Variants in CEP41 observed in about 807,000 individuals in gnomAD.
CEP41 encodes the protein centrosomal protein 41.
CEP41 carries 32 observed loss-of-function variants against 44.3 expected under a neutral mutation model. The observed-to-expected ratio is 0.72, with a 90% CI of 0.54 to 0.97. CEP41 has a LOEUF of 0.97. Among genes scored for constraint, CEP41 ranks in the 50% least tolerant of loss-of-function variants. CEP41 has a pLI of 0.00. For synonymous variants in CEP41, 151 were observed against 168.5 expected, an observed-to-expected ratio of 0.90 and a Z score of 0.80; for missense variants, 432 against 455.2, an observed-to-expected ratio of 0.95 and a Z score of 0.46.
rs17133175 is a variant in CEP41 at position 130,396,960 on chromosome 7, G to T, written c.*1931C>A. The T allele has an allele frequency of 2.2e-6, 1 of 453,852 alleles. No individual in the cohort carries two copies. Among genetic ancestry groups the T allele is most frequent in the Non-Finnish European group, 4.4e-6 (1 of 226,618 alleles). 28.1% of individuals were successfully genotyped at this position (453,852 alleles called of 1,614,324 possible). ...ACCATTTACTTTCAAAATAGAATCC[G>T]GCAGGGAAGTCTCAACTCCTGACAA... On this transcript the variant is annotated 3_prime_UTR_variant, in exon 11 of 11. Coordinates refer to ENST00000223208, the MANE Select transcript of CEP41 (RefSeq NM_018718.3).
intron 2 of CEP41, chr7:130,419,529 CTTTG>C: frequency 1.0e-6 from 1 of 984,650 alleles, no homozygotes; most frequent in Non-Finnish European, 1.2e-6. Context: ...ATAAACATGG[CTTTG>C]TTTCATACAA....
intron 1 of CEP41, chr7:130,440,651 G>A (rs7801474): frequency 1.7e-6 from 1 of 587,918 alleles, no homozygotes; most frequent in African/African-American, 1.9e-5. Flanking sequence ...GAGACTGTAA[G>A]CCATTTGAGG....
intron 2 of CEP41, chr7:130,422,114 A>C: frequency 1.5e-6 from 2 of 1,305,980 alleles, no homozygotes; most frequent in Non-Finnish European, 2.1e-6. Flanking sequence ...GAGGTATAAA[A>C]ACAAAAAATA....
chr7:130,399,991 T>C, intron 10 of CEP41, 48 bp downstream of exon 10: 1 of 1,264,358 alleles, frequency 7.9e-7, no homozygotes, highest in Non-Finnish European at 1.2e-6. Flanking sequence ...TGAGGTGATA[T>C]TCAAAGCTGC....
rs782508627 is a variant in CEP41, at chr7:130,404,624, C to G, written c.362G>C (p.Ser121Thr). The G allele has an allele frequency of 6.2e-7, 1 of 1,613,752 alleles. No homozygotes were observed. The highest frequency in any genetic ancestry group is 8.5e-7 in the Non-Finnish European group (1 of 1,179,646). ...TGCGTTGTTTATGAACTGCTCAGGGCTCGGCGACTGCTCACCTGGATTTCC... is the reference window on the plus strand; with the variant it reads ...TGCGTTGTTTATGAACTGCTCAGGGGTCGGCGACTGCTCACCTGGATTTCC... ...GKGNPGEQSP[S>T]PEQFINNAGA... Residue 121 changes from serine (S) to threonine (T), a missense_variant, in exon 6 of 11, where the codon AGC (serine) becomes ACC (threonine). Ser to Thr is a moderately conservative substitution (Grantham distance 58). Coordinates refer to ENST00000223208, the MANE Select transcript of CEP41 (RefSeq NM_018718.3).
chr7:130,411,614 G>GT (rs1421915268), intron 4 of CEP41, among the ~76,000 whole-genome samples: 1 of 152,180 alleles, frequency 6.6e-6, no homozygotes, highest in Admixed American at 6.5e-5. Flanking sequence ...TGATTACAGT[G>GT]TTTTATACTT....
At chr7:130,422,684 C>T (rs73152877) in intron 2 of CEP41, among the ~76,000 whole-genome samples, 3,174 of 152,194 alleles carry the variant, frequency 0.021, 38 homozygotes, top group Non-Finnish European at 0.031. Flanking sequence ...CAAAAAAAAT[C>T]GAACACTAGA....
Position 130,398,985 on chromosome 7 carries a change from C to T in CEP41, c.1028G>A (p.Arg343Gln), listed in dbSNP as rs782089459. Residue 343 changes from arginine to glutamine, a missense_variant, in exon 11 of 11, where the codon CGA becomes CAA. Physicochemically the swap from Arg to Gln is conservative, Grantham distance 43. Transcript: ENST00000223208. ...SGRESKVPGA[R>Q]SAQNLPGGGP... is the part of the protein sequence containing the mutation. ...GCCACCTGGCAGATTCTGAGCGCTTCGGGCACCAGGCACCTTGGACTCTCT... is the reference window on the plus strand; with the variant it reads ...GCCACCTGGCAGATTCTGAGCGCTTTGGGCACCAGGCACCTTGGACTCTCT... 1.4e-5 allele frequency: 22 copies of T among 1,614,090 alleles called. No homozygotes were observed. The highest frequency in any genetic ancestry group is 3.3e-5 in the Admixed American group (2 of 60,008).
chr7:130,395,150 T>A lies in CEP41; in HGVS notation c.*3741A>T, dbSNP rs532169706. The A allele has an allele frequency of 7.1e-4, 322 of 453,912 alleles. 1 individual carries two copies. The highest frequency in any genetic ancestry group is 1.4e-3 in the Middle Eastern group (2 of 1,444). 28.1% of individuals were successfully genotyped at this position (453,912 alleles called of 1,614,324 possible). On this transcript the variant is annotated 3_prime_UTR_variant, in exon 11 of 11. Coordinates refer to ENST00000223208, the MANE Select transcript of CEP41 (RefSeq NM_018718.3). ...ACTGACCTGTGTATCCATTTAAAGA[T>A]GTCATAATAATAATTTCAATAATTA... is the stretch of plus-strand genomic sequence containing the variant.
At chr7:130,407,258 AC>A (rs202156570) in intron 5 of CEP41, among the ~76,000 whole-genome samples, 18,787 of 116,416 alleles carry the variant, frequency 0.16, 1,169 homozygotes, top group South Asian at 0.2. Context: ...GAGTAAACAC[AC>A]ACACACACAC....
chr7:130,433,782 T>C (rs544719310), intron 1 of CEP41, among the ~76,000 whole-genome samples: 2 of 152,328 alleles, frequency 1.3e-5, no homozygotes, highest in South Asian at 2.1e-4. Flanking sequence ...TTCACACGTC[T>C]TACTCCTGCA....
At chr7:130,412,009 C>A (rs907059656) in intron 4 of CEP41, 170 bp downstream of exon 4, 2 of 642,578 alleles carry the variant, frequency 3.1e-6, no homozygotes, top group Non-Finnish European at 5.7e-6. Flanking sequence ...TTCTCACCAT[C>A]TTCATGTGAA....
intron 2 of CEP41, chr7:130,417,222 C>G: frequency 7.7e-7 from 1 of 1,295,914 alleles, no homozygotes; most frequent in Non-Finnish European, 9.8e-7. Context: ...TTGACAAGTT[C>G]CAGGAGATAC....
At chr7:130,438,310 C>T (rs534976900) in intron 1 of CEP41, among the ~76,000 whole-genome samples, 1 of 152,154 alleles carries the variant, frequency 6.6e-6, no homozygotes, top group Non-Finnish European at 1.5e-5. Flanking sequence ...GTAATACCAG[C>T]ACTTTGGGAG....
intron 5 of CEP41, among the ~76,000 whole-genome samples, chr7:130,409,133 A>T (rs535095050): frequency 3.3e-5 from 5 of 152,386 alleles, no homozygotes; most frequent in African/African-American, 1.2e-4. Flanking sequence ...AGCGATAAAC[A>T]TTATAAAAGG....
At chr7:130,416,033 G>T (rs1394205954) in intron 3 of CEP41, among the ~76,000 whole-genome samples, 3 of 152,138 alleles carry the variant, frequency 2.0e-5, no homozygotes, top group African/African-American at 7.2e-5. Flanking sequence ...CAATATTGCA[G>T]CAATTCAAAT....
chr7:130,409,842 C>A (rs1202677311), intron 5 of CEP41, among the ~76,000 whole-genome samples: 1 of 152,070 alleles, frequency 6.6e-6, no homozygotes, highest in Non-Finnish European at 1.5e-5. Context: ...AGCGCCTACT[C>A]GTCCCTTAGA....
rs2117524742 is a variant in CEP41 at position 130,394,939 on chromosome 7, AG to A, written c.*3951del. On this transcript the variant is annotated 3_prime_UTR_variant, in exon 11 of 11. Transcript: ENST00000223208. ...TGCCTCACATTTTACCAGGTGCTTC[AG>A]GATGTTACACAGGTGAGAATTTGCT... The A allele has an allele frequency of 2.2e-6, 1 of 454,122 alleles. No individual in the cohort carries two copies. Among genetic ancestry groups the A allele is most frequent in the African/African-American group, 2.0e-5 (1 of 50,130 alleles). 28.1% of individuals were successfully genotyped at this position (454,122 alleles called of 1,614,324 possible).
intron 5 of CEP41, among the ~76,000 whole-genome samples, chr7:130,405,606 G>A (rs1554418070): frequency 6.6e-6 from 1 of 152,130 alleles, no homozygotes; most frequent in Non-Finnish European, 1.5e-5. Context: ...ATAATAAAAT[G>A]TATTAACCTT....
Sources: allele counts gnomAD v4.1 joint callset (sites outside exome capture counted in the v4.1 genomes callset), GRCh38; gene constraint gnomAD v4.1.1; transcripts MANE v1.5; gene names NCBI Gene and HGNC (gene_info 2026-07-23, HGNC 2026-07-21).